The following FIRRM variants were observed in gnomAD, a reference collection of about 807,000 sequenced individuals.
The protein encoded by FIRRM is FIGNL1-interacting regulator of recombination and mitosis.
chr1:169,806,896 C>G, the FIRRM span, among the ~76,000 whole-genome samples: 2 of 152,182 alleles, frequency 1.3e-5, no homozygotes, highest in Non-Finnish European at 2.9e-5. Flanking sequence ...GAATTGAGTT[C>G]ATCACTGTGA....
chr1:169,795,666 T>A, the FIRRM span: 52 of 988,950 alleles, frequency 5.3e-5, no homozygotes, highest in Non-Finnish European at 6.1e-5. Flanking sequence ...TGAATATGAA[T>A]AAGGGCTTTC....
At chr1:169,795,869 C>G in the FIRRM span, 12 of 985,160 alleles carry the variant, frequency 1.2e-5, no homozygotes, top group Non-Finnish European at 1.3e-5. Context: ...TTGTTGTTGG[C>G]TTTCAACTGT....
the FIRRM span, chr1:169,851,272 G>A: frequency 1.3e-5 from 2 of 152,880 alleles, no homozygotes; most frequent in African/African-American, 4.8e-5. Context: ...TATATTACAT[G>A]TAATGATGCA....
the FIRRM span, chr1:169,829,136 C>G: frequency 1.3e-6 from 1 of 762,496 alleles, no homozygotes; most frequent in Non-Finnish European, 2.0e-6. Context: ...GTGTTGGAAA[C>G]TATTGCTGAT....
the FIRRM span, among the ~76,000 whole-genome samples, chr1:169,788,277 T>A: frequency 6.6e-6 from 1 of 152,192 alleles, no homozygotes; most frequent in Admixed American, 6.5e-5. Flanking sequence ...GATCAATCAA[T>A]CCTCTTCCTC....
chr1:169,796,656 A>G, the FIRRM span, among the ~76,000 whole-genome samples: 2 of 152,208 alleles, frequency 1.3e-5, no homozygotes, highest in African/African-American at 4.8e-5. Context: ...GTTTCTACTC[A>G]TAATTCATTA....
the FIRRM span, among the ~76,000 whole-genome samples, chr1:169,817,654 A>G: frequency 6.6e-6 from 1 of 152,174 alleles, no homozygotes; most frequent in African/African-American, 2.4e-5. Flanking sequence ...CCCAATTCTT[A>G]ATAAAACTGT....
the FIRRM span, among the ~76,000 whole-genome samples, chr1:169,846,116 G>A: frequency 6.6e-6 from 1 of 152,194 alleles, no homozygotes; most frequent in Admixed American, 6.5e-5. Context: ...CTCCTTCAGA[G>A]CGCCTGGTTG....
the FIRRM span, chr1:169,795,274 C>G: frequency 1.3e-6 from 2 of 1,505,060 alleles, no homozygotes; most frequent in African/African-American, 2.8e-5. Flanking sequence ...GCGAACCTTT[C>G]TCTTCTGTCC....
At chr1:169,846,168 C>CT in the FIRRM span, among the ~76,000 whole-genome samples, 2 of 152,110 alleles carry the variant, frequency 1.3e-5, no homozygotes, top group African/African-American at 4.8e-5. Flanking sequence ...TGAAAGAAAT[C>CT]TTTTTTTCTG....
the FIRRM span, among the ~76,000 whole-genome samples, chr1:169,828,852 T>C: frequency 6.6e-6 from 1 of 152,160 alleles, no homozygotes; most frequent in African/African-American, 2.4e-5. Flanking sequence ...TGCCCATAAC[T>C]TGACTATTTT....
At chr1:169,788,583 A>G in the FIRRM span, among the ~76,000 whole-genome samples, 1 of 152,192 alleles carries the variant, frequency 6.6e-6, no homozygotes, top group Non-Finnish European at 1.5e-5. Context: ...TGGACTTTCA[A>G]CTGCAGGGGG....
At chr1:169,845,956 A>G in the FIRRM span, among the ~76,000 whole-genome samples, 3 of 152,222 alleles carry the variant, frequency 2.0e-5, no homozygotes, top group Non-Finnish European at 4.4e-5. Context: ...CAGGTTCATC[A>G]GAGGAATCAC....
At chr1:169,822,155 T>C in the FIRRM span, among the ~76,000 whole-genome samples, 1 of 152,184 alleles carries the variant, frequency 6.6e-6, no homozygotes, top group Non-Finnish European at 1.5e-5. Flanking sequence ...CATTGGTACA[T>C]TTCCCACAAT....
At chr1:169,844,854 T>C in the FIRRM span, among the ~76,000 whole-genome samples, 1 of 152,210 alleles carries the variant, frequency 6.6e-6, no homozygotes. Flanking sequence ...ATAAAAGATT[T>C]CACCTCAAGA....
the FIRRM span, chr1:169,830,470 T>G: frequency 1.1e-6 from 1 of 943,662 alleles, no homozygotes; most frequent in Non-Finnish European, 1.6e-6. Context: ...CCAAAACGCT[T>G]TGATTTCATA....
At chr1:169,787,875 T>TA in the FIRRM span, among the ~76,000 whole-genome samples, 1 of 38,512 alleles carries the variant, frequency 2.6e-5, no homozygotes, top group African/African-American at 1.1e-4. Context: ...TGTTACATAG[T>TA]TTTTTTTCAT....
the FIRRM span, among the ~76,000 whole-genome samples, chr1:169,844,637 T>C: frequency 6.6e-6 from 1 of 152,230 alleles, no homozygotes; most frequent in Non-Finnish European, 1.5e-5. Flanking sequence ...CTATACCATA[T>C]GTATAACATG....
the FIRRM span, chr1:169,832,636 T>C: frequency 1.5e-6 from 1 of 651,494 alleles, no homozygotes; most frequent in East Asian, 3.0e-5. Flanking sequence ...AGAGTCTCGC[T>C]CTGTCACCCA....
Sources: gnomAD v4.1 joint callset for allele counts (sites outside exome capture counted in the v4.1 genomes callset) on GRCh38, gnomAD v4.1.1 for gene constraint, MANE v1.5 for transcripts, NCBI Gene and HGNC (gene_info 2026-07-23, HGNC 2026-07-21) for gene names.